The following ITPR2 variants were observed in gnomAD, a reference collection of about 807,000 sequenced individuals.
The protein encoded by ITPR2 is inositol 1,4,5-trisphosphate receptor type 2.
ITPR2 carries 207 observed loss-of-function variants against 317.1 expected under a neutral mutation model. The observed-to-expected ratio is 0.65, with a 90% confidence interval of 0.58 to 0.73. The LOEUF (loss-of-function observed/expected upper bound fraction) is 0.73. Among genes scored for constraint, ITPR2 ranks in the 30% least tolerant of loss-of-function variants. The pLI is 0.00. For missense variants in ITPR2, 2,613 were observed against 3,284.0 expected (o/e 0.80, Z 4.99); for synonymous variants, 1,156 against 1,149.1 (o/e 1.01, Z -0.12).
chr12:26,469,447 A>G (rs1235777621), intron 45 of ITPR2, among the ~76,000 whole-genome samples: 1 of 152,014 alleles, frequency 6.6e-6, no homozygotes, highest in Non-Finnish European at 1.5e-5. Context: ...CCCCCATGGT[A>G]TCCTGCTGGC....
intron 36 of ITPR2, among the ~76,000 whole-genome samples, chr12:26,550,714 T>C (rs1450064508): frequency 2.0e-5 from 3 of 151,820 alleles, no homozygotes; most frequent in Non-Finnish European, 2.9e-5. Flanking sequence ...CATTTTATTA[T>C]GTTATACTAT....
At position 26,487,105 on chromosome 12, in the gene ITPR2, A is replaced by C. The variant is rs761417072; in HGVS notation, c.5517T>G (p.Asp1839Glu). 23 of 1,612,280 alleles carry C rather than the reference A, an allele frequency of 1.4e-5. No individual in the cohort carries two copies. The highest frequency in any genetic ancestry group is 2.0e-5 in the Non-Finnish European group (23 of 1,179,480). The change falls in exon 40 of 57, where the codon GAT becomes GAG. Residue 1839 changes from aspartate to glutamate, a missense_variant. Asp to Glu is a conservative substitution (Grantham distance 45). Transcript: ENST00000381340. ...TIDLGNKKRD[D>E]DNELMTSGPR... ...GACCAGATGTCATCAATTCATTGTC[A>C]TCGTCCCTTTTTTTGTTACCTAAAT...
intron 1 of ITPR2, among the ~76,000 whole-genome samples, chr12:26,793,622 A>C (rs1338421503): frequency 6.6e-6 from 1 of 152,198 alleles, no homozygotes. Context: ...TTTCTGTCTT[A>C]CTCACCATTA....
At chr12:26,401,687 G>A (rs759598043) in intron 52 of ITPR2, among the ~76,000 whole-genome samples, 16 of 152,162 alleles carry the variant, frequency 1.1e-4, no homozygotes, top group Admixed American at 3.9e-4. Context: ...CAAGGCATGC[G>A]TATAAAAACA....
At chr12:26,780,441 C>T (rs1286501136) in intron 2 of ITPR2, among the ~76,000 whole-genome samples, 1 of 152,190 alleles carries the variant, frequency 6.6e-6, no homozygotes, top group Non-Finnish European at 1.5e-5. Context: ...CATGGTATTC[C>T]ACACAACATT....
intron 2 of ITPR2, among the ~76,000 whole-genome samples, chr12:26,776,206 G>C (rs540361172): frequency 6.6e-6 from 1 of 152,116 alleles, no homozygotes; most frequent in African/African-American, 2.4e-5. Context: ...TGACACTCCT[G>C]ACTCACCACT....
chr12:26,806,072 G>A (rs181287763), intron 1 of ITPR2, among the ~76,000 whole-genome samples: 2 of 152,260 alleles, frequency 1.3e-5, no homozygotes, highest in East Asian at 3.9e-4. Flanking sequence ...AAAAGTGAGG[G>A]TCCATAAATA....
chr12:26,601,539 C>T (rs1945998066), intron 28 of ITPR2, among the ~76,000 whole-genome samples: 1 of 152,126 alleles, frequency 6.6e-6, no homozygotes, highest in Admixed American at 6.5e-5. Context: ...GATAGTCTAG[C>T]TCAAAGGAAC....
intron 45 of ITPR2, among the ~76,000 whole-genome samples, chr12:26,467,725 T>A (rs1942202362): frequency 6.6e-6 from 1 of 152,174 alleles, no homozygotes; most frequent in South Asian, 2.1e-4. Flanking sequence ...ATGATCTTTA[T>A]ATCAAACTAA....
At chr12:26,345,026 C>T (rs1289497390) in intron 55 of ITPR2, among the ~76,000 whole-genome samples, 1 of 152,110 alleles carries the variant, frequency 6.6e-6, no homozygotes, top group Non-Finnish European at 1.5e-5. Context: ...TGTTCCACTC[C>T]TCCCTTCCCT....
chr12:26,610,844 C>T (rs958737854), intron 26 of ITPR2, among the ~76,000 whole-genome samples: 5 of 152,152 alleles, frequency 3.3e-5, no homozygotes, highest in Non-Finnish European at 7.4e-5. Flanking sequence ...CAGCATCGCT[C>T]AGCATGGATA....
chr12:26,702,696 T>A (rs1380090006), intron 9 of ITPR2, among the ~76,000 whole-genome samples: 7 of 152,192 alleles, frequency 4.6e-5, no homozygotes, highest in Non-Finnish European at 8.8e-5. Flanking sequence ...CACCTTGGCC[T>A]CCCAAAGTGC....
chr12:26,481,325 A>G (rs753135934), intron 42 of ITPR2, 84 bp from the exon 43 acceptor site: 19 of 771,928 alleles, frequency 2.5e-5, no homozygotes, highest in Non-Finnish European at 4.0e-5. Context: ...CAACATAATC[A>G]CCTTAATTTT....
chr12:26,599,604 T>A (rs557004327), intron 29 of ITPR2, among the ~76,000 whole-genome samples: 1 of 152,292 alleles, frequency 6.6e-6, no homozygotes, highest in South Asian at 2.1e-4. Context: ...TTGAGACTAA[T>A]TATGAATTCA....
chr12:26,478,163 C>T (rs1942458890), intron 43 of ITPR2, among the ~76,000 whole-genome samples: 1 of 152,054 alleles, frequency 6.6e-6, no homozygotes, highest in African/African-American at 2.4e-5. Context: ...CTATTTTCCC[C>T]CCAGAAGTAC....
At chr12:26,666,597 A>G (rs1365692676) in intron 13 of ITPR2, among the ~76,000 whole-genome samples, 1 of 152,204 alleles carries the variant, frequency 6.6e-6, no homozygotes, top group African/African-American at 2.4e-5. Context: ...CCACATTTCA[A>G]CTTGCCCAAT....
chr12:26,801,651 C>T (rs925973490), intron 1 of ITPR2, among the ~76,000 whole-genome samples: 11 of 152,180 alleles, frequency 7.2e-5, no homozygotes, highest in South Asian at 2.1e-4. Context: ...AGTCATCAGG[C>T]GCTAACTAGA....
intron 1 of ITPR2, among the ~76,000 whole-genome samples, chr12:26,827,572 C>A (rs1218478534): frequency 6.6e-6 from 1 of 152,140 alleles, no homozygotes; most frequent in Non-Finnish European, 1.5e-5. Context: ...AAATTCATTA[C>A]CTTATGGCAG....
intron 2 of ITPR2, among the ~76,000 whole-genome samples, chr12:26,772,959 G>A (rs1323642401): frequency 6.6e-6 from 1 of 151,866 alleles, no homozygotes; most frequent in African/African-American, 2.4e-5. Context: ...GTGTGTCCAT[G>A]TGTTCTCATT....
Sources: gnomAD v4.1 joint callset for allele counts (sites outside exome capture counted in the v4.1 genomes callset) on GRCh38, gnomAD v4.1.1 for gene constraint, MANE v1.5 for transcripts, NCBI Gene and HGNC (gene_info 2026-07-23, HGNC 2026-07-21) for gene names.